Variants in TDRD9 observed in about 807,000 individuals in gnomAD.
TDRD9 encodes the protein ATP-dependent RNA helicase TDRD9.
TDRD9 carries 124 observed loss-of-function variants against 172.6 expected under a neutral mutation model. That is an observed-to-expected ratio of 0.72 (90% confidence interval 0.62 to 0.83). TDRD9 has a LOEUF of 0.83. TDRD9 is among the 40% of genes least tolerant of loss of function. The pLI is 0.00. For missense variants in TDRD9, 1,479 were observed against 1,714.1 expected (o/e 0.86, Z 2.42); for synonymous variants, 619 against 617.1 (o/e 1.00, Z -0.05).
Position 103,990,057 on chromosome 14 carries a change from C to T in TDRD9, c.1116-1103C>T, listed in dbSNP as rs530605678. On this transcript the variant is annotated intron_variant, in intron 8 of 35. Transcript: ENST00000409874. ...CCTCATGGCCATGTCTCCTTCCACC[C>T]AAAGCGGTACCACCAGATGGACGGC... Among the ~76,000 whole-genome samples, 10 of 152,346 alleles carry T rather than the reference C, an allele frequency of 6.6e-5. No individual in the cohort carries two copies. In the East Asian group the frequency reaches 1.9e-3, roughly 29 times the overall value.
In TDRD9 at chr14:103,965,568, G is replaced by T. The variant is rs181415730; in HGVS notation, c.642+14G>T. The T allele has an allele frequency of 3.4e-3, 5,117 of 1,519,810 alleles. 26 individuals carry two copies. Among genetic ancestry groups the T allele is most frequent in the Non-Finnish European group, 4.0e-3 (4,510 of 1,120,158 alleles). 94.1% of individuals were successfully genotyped at this position (1,519,810 alleles called of 1,614,324 possible). A position where few individuals can be genotyped will look rare whatever the true frequency, so the allele number is the denominator to read the frequency against. ...GTGGGCTACCAGGTGAGACTGGGAG[G>T]GAGGGAGGGACTAAGAGAGCCAGCT... On this transcript the variant is annotated intron_variant, in intron 4 of 35. Coordinates refer to ENST00000409874, the MANE Select transcript of TDRD9 (RefSeq NM_153046.3).
chr14:103,987,078 C>T (rs1295356504), intron 8 of TDRD9, among the ~76,000 whole-genome samples: 1 of 151,990 alleles, frequency 6.6e-6, no homozygotes, highest in Non-Finnish European at 1.5e-5. Flanking sequence ...CGTGCCACTG[C>T]ACTCCAGCCT....
chr14:104,019,920 A>G (rs564063433), intron 23 of TDRD9, among the ~76,000 whole-genome samples: 26 of 152,300 alleles, frequency 1.7e-4, no homozygotes, highest in Admixed American at 2.6e-4. Context: ...CCTCGGGTAG[A>G]CGTCGGAGGG....
chr14:104,026,949 T>C lies in TDRD9; in HGVS notation c.3282+10T>C. 6.2e-7 allele frequency: 1 copy of C among 1,610,620 alleles called. No individual in the cohort carries two copies. Among genetic ancestry groups the C allele is most frequent in the Non-Finnish European group, 8.5e-7 (1 of 1,177,308 alleles). ...GTCCTACGAGTCCAAGGTGTGTGCTTTCGCCGTTGCTGGAGCACGCGTTTG... is the reference window on the plus strand; with the variant it reads ...GTCCTACGAGTCCAAGGTGTGTGCTCTCGCCGTTGCTGGAGCACGCGTTTG... On this transcript the variant is annotated intron_variant, in intron 28 of 35. Transcript: ENST00000409874.
intron 2 of TDRD9, among the ~76,000 whole-genome samples, chr14:103,956,079 TAAAAAAAAAAAAAAAAA>T (rs60712068): frequency 4.0e-5 from 1 of 25,192 alleles, no homozygotes; most frequent in African/African-American, 2.3e-4. Context: ...ACCCTCTCTT[TAAAAAAAAAAAAAAAAA>T]AAAAAAAAAA....
In TDRD9 at chr14:104,004,176, A is replaced by C. The variant is rs1234192728; in HGVS notation, c.1484-62A>C. 9.4e-6 allele frequency: 7 copies of C among 748,474 alleles called. No homozygotes were observed. In the East Asian group the frequency reaches 1.8e-4, roughly 19 times the overall value. 46.4% of individuals were successfully genotyped at this position (748,474 alleles called of 1,614,324 possible). A position where few individuals can be genotyped will look rare whatever the true frequency, so the allele number is the denominator to read the frequency against. On this transcript the variant is annotated intron_variant, in intron 13 of 35. Coordinates refer to ENST00000409874, the MANE Select transcript of TDRD9 (RefSeq NM_153046.3). ...ATATTTAATGACTGTTTAAAAAGAT[A>C]CCTTCATGCTGATGTTAAAGTAATT...
chr14:104,047,416 G>A (rs2140935571), intron 34 of TDRD9, among the ~76,000 whole-genome samples: 1 of 151,986 alleles, frequency 6.6e-6, no homozygotes, highest in Non-Finnish European at 1.5e-5. Context: ...TATTATGAAA[G>A]CTTTCTTTCT....
At chr14:104,021,191 G>T (rs1327409205) in intron 23 of TDRD9, among the ~76,000 whole-genome samples, 1 of 152,142 alleles carries the variant, frequency 6.6e-6, no homozygotes, top group Non-Finnish European at 1.5e-5. Context: ...GAGCAAAGGG[G>T]AGGTGCTTGT....
intron 1 of TDRD9, among the ~76,000 whole-genome samples, chr14:103,954,004 T>G (rs534332039): frequency 1.3e-5 from 2 of 152,306 alleles, no homozygotes; most frequent in East Asian, 3.9e-4. Context: ...TGACATAAAA[T>G]TAATCATTAC....
chr14:103,968,806 A>G (rs1240848127), intron 5 of TDRD9, among the ~76,000 whole-genome samples: 3 of 128,546 alleles, frequency 2.3e-5, no homozygotes, highest in Non-Finnish European at 5.0e-5. Flanking sequence ...AAAAAAAAAG[A>G]ATAAAGTAGC....
intron 30 of TDRD9, among the ~76,000 whole-genome samples, chr14:104,033,595 A>G (rs988896540): frequency 1.3e-5 from 2 of 152,166 alleles, no homozygotes; most frequent in Non-Finnish European, 2.9e-5. Flanking sequence ...GACCACACTC[A>G]GTTCCCTCTG....
chr14:104,014,846 G>A lies in TDRD9; in HGVS notation c.2223+5G>A. The A allele has an allele frequency of 2.0e-6, 3 of 1,530,798 alleles. No individual in the cohort carries two copies. The highest frequency in any genetic ancestry group is 2.7e-6 in the Non-Finnish European group (3 of 1,121,156). 94.8% of individuals were successfully genotyped at this position (1,530,798 alleles called of 1,614,324 possible). ...AAGCAGCGATTCATCCTACAGGTGT[G>A]CTGAAGTTTCCTGGATATTTTTTTT... On this transcript the variant is annotated splice_donor_5th_base_variant and intron_variant, in intron 21 of 35. Coordinates refer to ENST00000409874, the MANE Select transcript of TDRD9 (RefSeq NM_153046.3).
At chr14:103,992,145 G>C (rs1393639418) in intron 9 of TDRD9, among the ~76,000 whole-genome samples, 2 of 152,108 alleles carry the variant, frequency 1.3e-5, no homozygotes, top group African/African-American at 4.8e-5. Context: ...TGAGAAAACA[G>C]ACTTTTAAAA....
chr14:103,956,111 AATATATATATAT>A (rs1173008862), intron 2 of TDRD9, among the ~76,000 whole-genome samples: 184 of 18,356 alleles, frequency 0.01, 7 homozygotes, highest in East Asian at 0.052. Context: ...AAAAAAAAAA[AATATATATATAT>A]ATATATATAT....
At chr14:104,040,115 T>G (rs951658114) in intron 32 of TDRD9, 81 bp from the exon 33 acceptor site, 6 of 1,256,998 alleles carry the variant, frequency 4.8e-6, no homozygotes, top group Non-Finnish European at 6.1e-6. Context: ...TAGGATAATT[T>G]TATCGGTCAA....
At chr14:103,965,276 G>A (rs543843987) in intron 3 of TDRD9, 57 bp from the exon 4 acceptor site, 2 of 1,426,874 alleles carry the variant, frequency 1.4e-6, no homozygotes, top group Middle Eastern at 2.0e-4. Flanking sequence ...CTTAATATAG[G>A]TGATACTTTA....
chr14:104,030,053 G>C (rs1489740127), intron 28 of TDRD9, among the ~76,000 whole-genome samples: 2 of 152,152 alleles, frequency 1.3e-5, no homozygotes, highest in African/African-American at 4.8e-5. Flanking sequence ...CAGAGTGCTG[G>C]CTAAATTCTG....
chr14:104,026,995 G>C, intron 28 of TDRD9, 56 bp downstream of exon 28: 1 of 1,575,414 alleles, frequency 6.3e-7, no homozygotes, highest in African/African-American at 1.3e-5. Flanking sequence ...AACGGGGCAG[G>C]CTTTCCTTCC....
At chr14:103,984,364 C>T (rs544957463) in intron 7 of TDRD9, among the ~76,000 whole-genome samples, 8 of 152,294 alleles carry the variant, frequency 5.3e-5, no homozygotes, top group Non-Finnish European at 7.4e-5. Flanking sequence ...AAAGTGGTTT[C>T]GTGGGCCAGG....
Sources: gnomAD v4.1 joint callset for allele counts (sites outside exome capture counted in the v4.1 genomes callset) on GRCh38, gnomAD v4.1.1 for gene constraint, MANE v1.5 for transcripts, NCBI Gene and HGNC (gene_info 2026-07-23, HGNC 2026-07-21) for gene names.